The following ALPK2 variants were observed in gnomAD, a reference collection of about 807,000 sequenced individuals.
The protein encoded by ALPK2 is alpha-protein kinase 2.
In ALPK2, 127 loss-of-function variants were observed where a neutral mutation model predicts 163.1. The observed-to-expected ratio is 0.78, with a 90% CI of 0.67 to 0.90. The LOEUF is 0.90. Among genes scored for constraint, ALPK2 ranks in the 40% least tolerant of loss-of-function variants. ALPK2 has a pLI of 0.00. For synonymous variants in ALPK2, 953 were observed against 959.1 expected (o/e 0.99, Z 0.12); for missense variants, 2,360 against 2,589.6 (o/e 0.91, Z 1.92).
intron 1 of ALPK2, among the ~76,000 whole-genome samples, chr18:58,618,817 C>A (rs1276490440): frequency 1.3e-5 from 2 of 152,274 alleles, no homozygotes; most frequent in South Asian, 2.1e-4. Context: ...CTTCCCCTAC[C>A]CTCAATAGTC....
chr18:58,567,277 G>A (rs1458844023), intron 4 of ALPK2, among the ~76,000 whole-genome samples: 1 of 151,792 alleles, frequency 6.6e-6, no homozygotes, highest in Non-Finnish European at 1.5e-5. Flanking sequence ...CCAACTACTC[G>A]GAAGGCTGAG....
Position 58,580,041 on chromosome 18 carries a change from A to G in ALPK2, c.735T>C (p.Gly245=). 1 of 1,614,248 alleles carries G rather than the reference A, an allele frequency of 6.2e-7. No homozygotes were observed. Among genetic ancestry groups the G allele is most frequent in the Non-Finnish European group, 8.5e-7 (1 of 1,180,042 alleles). Residue 245 remains glycine, a synonymous_variant, in exon 4 of 13, where the codon GGT becomes GGC. Coordinates refer to ENST00000361673, the MANE Select transcript of ALPK2 (RefSeq NM_052947.4). ...CATGAGGACCATCATTGTTCAGGTC[A>G]CCATCCGTGAACTTTGATGCCATGG... The part of the protein sequence containing the change: ...VHSMASKFTD[G]DLNNDGPHDE...
chr18:58,525,967 GAAAAAAA>G (rs10653750), intron 6 of ALPK2, among the ~76,000 whole-genome samples: 4 of 117,684 alleles, frequency 3.4e-5, no homozygotes, highest in Admixed American at 2.8e-4. Context: ...TGATGAAAAA[GAAAAAAA>G]AAAAAAAAAA....
rs202121224 is a variant in ALPK2 at position 58,536,778 on chromosome 18, C to T, written c.3409G>A (p.Val1137Ile). The change falls in exon 5 of 13, where the codon GTC becomes ATC. Residue 1137 changes from valine (V) to isoleucine (I), a missense_variant. Transcript: ENST00000361673. ...TGCTGGGACAGGCTCTGCTGCTGGA[C>T]CCCCTGCTTTGTTTCACTTCCTCTT... ...QERGSETKQG[V>I]QQQSLSQQGS... is the part of the protein sequence containing the mutation. The T allele has an allele frequency of 1.9e-6, 3 of 1,614,078 alleles. No individual in the cohort carries two copies. In the African/African-American group the frequency reaches 4.0e-5, roughly 22 times the overall value.
chr18:58,613,707 AAAAT>A (rs758091771), intron 1 of ALPK2, among the ~76,000 whole-genome samples: 10,369 of 97,080 alleles, frequency 0.11, 604 homozygotes, highest in South Asian at 0.21. Flanking sequence ...TCAAAAAAAA[AAAAT>A]AATAATAATA....
rs1313284801 is a variant in ALPK2, at chr18:58,481,799, T to G, written c.*24A>C. On this transcript the variant is annotated 3_prime_UTR_variant, in exon 13 of 13. Transcript: ENST00000361673. ...GGCGAGATTGTGTGCTGCTAGCCAG[T>G]GGCCATTAGGTTACCCAGGGACGTT... The G allele has an allele frequency of 1.3e-6, 2 of 1,581,806 alleles. No individual in the cohort carries two copies. Among genetic ancestry groups the G allele is most frequent in the Non-Finnish European group, 1.7e-6 (2 of 1,151,382 alleles).
intron 3 of ALPK2, among the ~76,000 whole-genome samples, chr18:58,604,676 G>A (rs2052088996): frequency 6.6e-6 from 1 of 152,166 alleles, no homozygotes; most frequent in Admixed American, 6.5e-5. Context: ...GCATTACGAC[G>A]GAATACTTTT....
intron 5 of ALPK2, 109 bp downstream of exon 5, chr18:58,534,725 A>T: frequency 7.1e-7 from 1 of 1,406,346 alleles, no homozygotes; most frequent in East Asian, 2.3e-5. Context: ...ATCAATGCCC[A>T]CCTGGGGGAC....
intron 4 of ALPK2, among the ~76,000 whole-genome samples, chr18:58,542,607 T>C (rs1292069662): frequency 6.6e-6 from 1 of 152,210 alleles, no homozygotes; most frequent in Non-Finnish European, 1.5e-5. Flanking sequence ...AAACTGTCTA[T>C]AGTACTCTAG....
In ALPK2 at chr18:58,585,680, CTTTTTTTTTTTT is replaced by C. The variant is rs71173066; in HGVS notation, c.228-5144_228-5133del. On this transcript the variant is annotated intron_variant, in intron 3 of 12. Transcript: ENST00000361673. ...ATGTAAAATCCACCATTCTATGTTG[CTTTTTTTTTTTT>C]TTTTTTTTTGAGACGGAGTCTTGCT... Among the ~76,000 whole-genome samples, 5 of 77,632 alleles carry C rather than the reference CTTTTTTTTTTTT, an allele frequency of 6.4e-5. No individual in the cohort carries two copies. The East Asian group carries it at 1.1e-3, about 17-fold the overall frequency. The allele number at this position is 77,632 out of a possible 152,430, so 50.9% of individuals were successfully genotyped here.
intron 4 of ALPK2, chr18:58,566,359 C>G (rs2051853077): frequency 6.6e-6 from 1 of 152,194 alleles, no homozygotes; most frequent in African/African-American, 2.4e-5. Flanking sequence ...TTTGGTTTAT[C>G]TACTTATGTA....
At chr18:58,559,165 G>T (rs1037623454) in intron 4 of ALPK2, among the ~76,000 whole-genome samples, 1 of 152,188 alleles carries the variant, frequency 6.6e-6, no homozygotes, top group Admixed American at 6.5e-5. Flanking sequence ...TCAACGTGGG[G>T]TGATTTTTGC....
intron 6 of ALPK2, among the ~76,000 whole-genome samples, chr18:58,525,843 G>A (rs533277062): frequency 6.6e-6 from 1 of 151,796 alleles, no homozygotes; most frequent in Non-Finnish European, 1.5e-5. Flanking sequence ...TATTAGTGGG[G>A]AACAGTAGTA....
intron 4 of ALPK2, among the ~76,000 whole-genome samples, chr18:58,558,328 A>G (rs1330556938): frequency 6.6e-6 from 1 of 152,260 alleles, no homozygotes; most frequent in Non-Finnish European, 1.5e-5. Context: ...TCTCATTAAC[A>G]ATTTTTATAT....
Position 58,537,301 on chromosome 18 carries a change from C to T in ALPK2, c.2886G>A (p.Lys962=), listed in dbSNP as rs776336700. 2 of 1,614,156 alleles carry T rather than the reference C, an allele frequency of 1.2e-6. No individual in the cohort carries two copies. The highest frequency in any genetic ancestry group is 1.7e-6 in the Non-Finnish European group (2 of 1,180,012). The change falls in exon 5 of 13, where the codon AAG becomes AAA. Residue 962 remains lysine (K), a synonymous_variant. Coordinates refer to ENST00000361673, the MANE Select transcript of ALPK2 (RefSeq NM_052947.4). Reference sequence around the variant, plus strand: ...TGTCTGCGGCACTAGGACTGGGGCTCTTGTCACCTCCTTCTTTAAATTGCA... The same window carrying T: ...TGTCTGCGGCACTAGGACTGGGGCTTTTGTCACCTCCTTCTTTAAATTGCA... ...PLVQFKEGGD[K]SPSPSAADTT...
intron 4 of ALPK2, 79 bp downstream of exon 4, chr18:58,578,735 C>CACACACACGCGCGCGCGCGCAT (rs2051935685): frequency 2.2e-6 from 2 of 904,310 alleles, no homozygotes; most frequent in Non-Finnish European, 3.2e-6. Flanking sequence ...AAGGAAGAGA[C>CACACACACGCGCGCGCGCGCAT]ACACACACAC....
rs1568072069 is a variant in ALPK2, at chr18:58,517,076, G to A, written c.5772C>T (p.His1924=). Residue 1924 remains histidine, a synonymous_variant, in exon 9 of 13, where the codon CAC becomes CAT. Coordinates refer to ENST00000361673, the MANE Select transcript of ALPK2 (RefSeq NM_052947.4). ...CTTTGCGGTGAACCCCTTCTCCAAA[G>A]TGCAGCTCCTCCGTGGCGATCTGAC... The part of the protein sequence containing the change: ...LRGQIATEEL[H]FGEGVHRKAF... The A allele has an allele frequency of 6.2e-7, 1 of 1,614,254 alleles. No individual in the cohort carries two copies. The highest frequency in any genetic ancestry group is 8.5e-7 in the Non-Finnish European group (1 of 1,180,040).
Position 58,622,217 on chromosome 18 carries a change from C to G in ALPK2, c.-21+6547G>C, listed in dbSNP as rs796235373. Among the ~76,000 whole-genome samples, 6 of 152,074 alleles carry G rather than the reference C, an allele frequency of 3.9e-5. No individual in the cohort carries two copies. In the South Asian group the frequency reaches 8.3e-4, roughly 21 times the overall value. ...CAAAAATTAGCCGGGTGTGGTGGCA[C>G]ACACCTGTAATCCCAGCCACTTGGG... is the stretch of plus-strand genomic sequence containing the variant. On this transcript the variant is annotated intron_variant, in intron 1 of 12. Coordinates refer to ENST00000361673, the MANE Select transcript of ALPK2 (RefSeq NM_052947.4).
At position 58,481,577 on chromosome 18, in the gene ALPK2, A is replaced by C. The variant is rs748867761; in HGVS notation, c.*246T>G. On this transcript the variant is annotated 3_prime_UTR_variant, in exon 13 of 13. Transcript: ENST00000361673. ...AAAATGCTAAACATGTATATAAAGA[A>C]TGGACTGTCTTTGAGACCAATCGTT... 1.5e-5 allele frequency: 8 copies of C among 534,428 alleles called. No individual in the cohort carries two copies. Among genetic ancestry groups the C allele is most frequent in the Non-Finnish European group, 2.4e-5 (7 of 297,100 alleles). 33.1% of individuals were successfully genotyped at this position (534,428 alleles called of 1,614,324 possible). A position where few individuals can be genotyped will look rare whatever the true frequency, so the allele number is the denominator to read the frequency against.
Sources: gnomAD v4.1 joint callset for allele counts (sites outside exome capture counted in the v4.1 genomes callset) on GRCh38, gnomAD v4.1.1 for gene constraint, MANE v1.5 for transcripts, NCBI Gene and HGNC (gene_info 2026-07-23, HGNC 2026-07-21) for gene names.